Variants in DNER observed in about 807,000 individuals in gnomAD.
The protein encoded by DNER is delta/notch like EGF repeat containing, also known as delta and Notch-like epidermal growth factor-related receptor.
DNER carries 33 observed loss-of-function variants against 78.2 expected under a neutral mutation model. The observed-to-expected ratio is 0.42, with a 90% CI of 0.32 to 0.56. The LOEUF is 0.56. Among genes scored for constraint, DNER ranks in the 20% least tolerant of loss-of-function variants. DNER has a pLI of 0.11. For missense variants in DNER, 918 were observed against 975.3 expected (o/e 0.94, Z 0.78); for synonymous variants, 417 against 384.8 (o/e 1.08, Z -0.98).
intron 6 of DNER, among the ~76,000 whole-genome samples, chr2:229,480,289 G>A (rs559418597): frequency 6.6e-6 from 1 of 152,182 alleles, no homozygotes; most frequent in South Asian, 2.1e-4. Flanking sequence ...TTCCCCATGA[G>A]GGTATTTTGA....
intron 6 of DNER, among the ~76,000 whole-genome samples, chr2:229,486,151 C>T (rs1484953633): frequency 6.6e-6 from 1 of 152,106 alleles, no homozygotes; most frequent in Non-Finnish European, 1.5e-5. Flanking sequence ...AATAGTGCAC[C>T]ATCAAGACGT....
At chr2:229,442,575 G>A (rs1694258240) in intron 8 of DNER, among the ~76,000 whole-genome samples, 1 of 151,956 alleles carries the variant, frequency 6.6e-6, no homozygotes, top group African/African-American at 2.4e-5. Context: ...ACAGATGAAA[G>A]TTGTCCACTA....
intron 11 of DNER, among the ~76,000 whole-genome samples, chr2:229,385,277 C>T (rs1692838822): frequency 6.6e-6 from 1 of 152,108 alleles, no homozygotes; most frequent in African/African-American, 2.4e-5. Context: ...TTTAACACAC[C>T]TTCATGCTAA....
At chr2:229,538,710 T>C (rs1696458759) in intron 5 of DNER, among the ~76,000 whole-genome samples, 1 of 152,134 alleles carries the variant, frequency 6.6e-6, no homozygotes, top group South Asian at 2.1e-4. Context: ...GTGGTAATTT[T>C]GTATTTTTAG....
chr2:229,418,317 T>C (rs914737261), intron 8 of DNER, 87 bp from the exon 9 acceptor site: 49 of 1,562,596 alleles, frequency 3.1e-5, no homozygotes, highest in Non-Finnish European at 4.2e-5. Flanking sequence ...CAGTTGGGGG[T>C]ATTCATTAGA....
intron 1 of DNER, among the ~76,000 whole-genome samples, chr2:229,607,136 T>C (rs1379191339): frequency 6.6e-6 from 1 of 152,214 alleles, no homozygotes; most frequent in African/African-American, 2.4e-5. Flanking sequence ...TGCATGAATA[T>C]ATATTTATGC....
At chr2:229,694,996 A>G (rs1699639878) in intron 1 of DNER, among the ~76,000 whole-genome samples, 1 of 152,062 alleles carries the variant, frequency 6.6e-6, no homozygotes, top group African/African-American at 2.4e-5. Context: ...ATGTTACGGG[A>G]GGGCCCCCCC....
intron 1 of DNER, among the ~76,000 whole-genome samples, chr2:229,690,092 C>G (rs1165582488): frequency 6.6e-6 from 1 of 152,222 alleles, no homozygotes; most frequent in Non-Finnish European, 1.5e-5. Context: ...TGATCAACCC[C>G]TAGTAGTCCG....
chr2:229,587,348 G>A (rs1254926007), intron 3 of DNER, among the ~76,000 whole-genome samples: 2 of 152,130 alleles, frequency 1.3e-5, no homozygotes, highest in African/African-American at 2.4e-5. Context: ...GGATGGGAGC[G>A]TTCCTCCTGA....
chr2:229,527,024 A>G (rs1473318046), intron 5 of DNER, among the ~76,000 whole-genome samples: 2 of 152,138 alleles, frequency 1.3e-5, no homozygotes, highest in African/African-American at 2.4e-5. Context: ...TTTTCTAAGT[A>G]TTAGTTACAG....
intron 1 of DNER, among the ~76,000 whole-genome samples, chr2:229,603,580 A>C (rs1697875921): frequency 6.6e-6 from 1 of 152,200 alleles, no homozygotes; most frequent in African/African-American, 2.4e-5. Context: ...AAACAGCAAA[A>C]GTGACCCATG....
chr2:229,691,065 C>A (rs996923708), intron 1 of DNER, among the ~76,000 whole-genome samples: 10 of 152,152 alleles, frequency 6.6e-5, no homozygotes, highest in Admixed American at 5.2e-4. Flanking sequence ...TTCAGACCAA[C>A]CATCCTGCTG....
chr2:229,458,135 C>CAAAAAAA lies in DNER; in HGVS notation c.1262-10602_1262-10596dup, dbSNP rs61340733. ...TGGGTCACAGAGCAAGACTCTATCT[C>CAAAAAAA]AAAAAAAAAAAAAAAAAAAAAAAAA... On this transcript the variant is annotated intron_variant, in intron 7 of 12. Coordinates refer to ENST00000341772, the MANE Select transcript of DNER (RefSeq NM_139072.4). 2.3e-3 allele frequency among the ~76,000 whole-genome samples: 41 copies of CAAAAAAA among 17,718 alleles called. 3 individuals are homozygous for CAAAAAAA. The highest frequency in any genetic ancestry group is 2.8e-3 in the African/African-American group (13 of 4,666). The allele number at this position is 17,718 out of a possible 152,430, so 11.6% of individuals were successfully genotyped here. A position where few individuals can be genotyped will look rare whatever the true frequency, so the allele number is the denominator to read the frequency against.
At chr2:229,464,210 A>G (rs1694757784) in intron 7 of DNER, among the ~76,000 whole-genome samples, 1 of 152,238 alleles carries the variant, frequency 6.6e-6, no homozygotes, top group Admixed American at 6.5e-5. Flanking sequence ...AAGAAAGCAG[A>G]CAGTTATGCA....
At chr2:229,699,493 G>T (rs1699710208) in intron 1 of DNER, among the ~76,000 whole-genome samples, 1 of 152,118 alleles carries the variant, frequency 6.6e-6, no homozygotes, top group South Asian at 2.1e-4. Flanking sequence ...AGCCTCCCAA[G>T]TAGCTGGGAC....
rs375161151 is a variant in DNER at position 229,705,419 on chromosome 2, C to T, written c.276+8729G>A. Among the ~76,000 whole-genome samples, 18 of 152,204 alleles carry T rather than the reference C, an allele frequency of 1.2e-4. 1 individual carries two copies. Among genetic ancestry groups the T allele is most frequent in the East Asian group, 1.2e-3 (6 of 5,204 alleles). On this transcript the variant is annotated intron_variant, in intron 1 of 12. Transcript: ENST00000341772. Reference sequence around the variant, plus strand: ...TTTCTCAAATCCTGTTTTTCAAAAGCCCCGTGCCTTTTCTTTTCTCTTTAA... The same window carrying T: ...TTTCTCAAATCCTGTTTTTCAAAAGTCCCGTGCCTTTTCTTTTCTCTTTAA...
rs72248647 is a variant in DNER, at chr2:229,681,827, AACACACACACACACACAC to A, written c.276+32303_276+32320del. On this transcript the variant is annotated intron_variant, in intron 1 of 12. Transcript: ENST00000341772. ...TAAGGAATTGTATACCTCTGCCTAA[AACACACACACACACACAC>A]ACACACACACACACACACACAAATG... 3.9e-4 allele frequency among the ~76,000 whole-genome samples: 56 copies of A among 144,448 alleles called. 1 individual carries two copies. The highest frequency in any genetic ancestry group is 1.3e-3 in the African/African-American group (51 of 37,798). 94.8% of individuals were successfully genotyped at this position (144,448 alleles called of 152,430 possible). A position where few individuals can be genotyped will look rare whatever the true frequency, so the allele number is the denominator to read the frequency against.
At position 229,512,892 on chromosome 2, in the gene DNER, G is replaced by T; in HGVS notation, c.1038C>A (p.Phe346Leu). The change falls in exon 6 of 13, where the codon TTC becomes TTA. Residue 346 changes from phenylalanine (F) to leucine (L), a missense_variant. Transcript: ENST00000341772. ...CTCEEQYVGTFCEEYDACQRK... is the reference protein window; with the variant it reads ...CTCEEQYVGTLCEEYDACQRK... The stretch of plus-strand genomic sequence containing the variant: ...TCTGGCAAGCATCGTATTCTTCACA[G>T]AAAGTACCCACGTACTGCTCCTCAC... 6.2e-7 allele frequency: 1 copy of T among 1,614,094 alleles called. No individual in the cohort carries two copies. The highest frequency in any genetic ancestry group is 8.5e-7 in the Non-Finnish European group (1 of 1,179,998).
At chr2:229,646,986 G>A (rs1289916789) in intron 1 of DNER, among the ~76,000 whole-genome samples, 1 of 152,196 alleles carries the variant, frequency 6.6e-6, no homozygotes, top group East Asian at 1.9e-4. Flanking sequence ...GGCCAACATG[G>A]TGAAAACCCG....
Sources: gnomAD v4.1 joint callset for allele counts (sites outside exome capture counted in the v4.1 genomes callset) on GRCh38, gnomAD v4.1.1 for gene constraint, MANE v1.5 for transcripts, NCBI Gene and HGNC (gene_info 2026-07-23, HGNC 2026-07-21) for gene names.